The following TEKT1 variants were observed in gnomAD, a reference collection of about 807,000 sequenced individuals.
The protein encoded by TEKT1 is tektin-1.
Under a neutral mutation model 34.8 loss-of-function variants are expected in TEKT1, and 32 were observed. The ratio of observed to expected loss-of-function variants is 0.92; its 90% CI spans 0.69 to 1.23. TEKT1 has a LOEUF of 1.23. Among genes scored for constraint, TEKT1 ranks in the 50% most tolerant of loss-of-function variants. TEKT1 has a pLI of 0.00. For missense variants in TEKT1, 492 were observed against 518.5 expected (o/e 0.95, Z 0.50); for synonymous variants, 207 against 199.8 (o/e 1.04, Z -0.30).
chr17:6,827,343 C>G (rs1254369002), intron 2 of TEKT1, among the ~76,000 whole-genome samples: 2 of 149,978 alleles, frequency 1.3e-5, no homozygotes, highest in Non-Finnish European at 3.0e-5. Context: ...CTCACTGCAA[C>G]CTCCGCCTCC....
At chr17:6,827,814 G>A (rs1182695175) in intron 2 of TEKT1, among the ~76,000 whole-genome samples, 3 of 152,056 alleles carry the variant, frequency 2.0e-5, no homozygotes, top group Non-Finnish European at 2.9e-5. Context: ...TCTTTTGCTA[G>A]ATTTATTCCT....
intron 2 of TEKT1, 128 bp downstream of exon 2, chr17:6,830,059 T>A: frequency 2.1e-6 from 2 of 956,760 alleles, no homozygotes; most frequent in Non-Finnish European, 3.0e-6. Flanking sequence ...ACATAGAACC[T>A]GGAGAATACA....
At chr17:6,820,629 C>T (rs1471969494) in intron 2 of TEKT1, among the ~76,000 whole-genome samples, 3 of 152,092 alleles carry the variant, frequency 2.0e-5, no homozygotes, top group Non-Finnish European at 4.4e-5. Flanking sequence ...ATCAAGTAAG[C>T]TATCAATTTT....
chr17:6,806,828 G>A (rs1976851203), intron 6 of TEKT1, among the ~76,000 whole-genome samples: 2 of 152,188 alleles, frequency 1.3e-5, no homozygotes, highest in African/African-American at 4.8e-5. Flanking sequence ...AGTTTCTGCT[G>A]AGAGATCAGC....
intron 6 of TEKT1, among the ~76,000 whole-genome samples, chr17:6,804,653 G>C (rs1280454494): frequency 2.0e-5 from 3 of 152,166 alleles, no homozygotes; most frequent in Non-Finnish European, 4.4e-5. Flanking sequence ...CTAATTTATT[G>C]AGAGTTTTTA....
intron 2 of TEKT1, among the ~76,000 whole-genome samples, chr17:6,824,715 C>T (rs1904348814): frequency 6.6e-6 from 1 of 152,170 alleles, no homozygotes; most frequent in Non-Finnish European, 1.5e-5. Context: ...TCCTAAGCAT[C>T]TAGCACAGGG....
At chr17:6,829,978 A>G (rs1904524460) in intron 2 of TEKT1, among the ~76,000 whole-genome samples, 1 of 152,224 alleles carries the variant, frequency 6.6e-6, no homozygotes, top group African/African-American at 2.4e-5. Context: ...CAAATCAACA[A>G]ATAAATGAAT....
chr17:6,826,417 A>G (rs1904396432), intron 2 of TEKT1, among the ~76,000 whole-genome samples: 1 of 152,048 alleles, frequency 6.6e-6, no homozygotes, highest in South Asian at 2.1e-4. Context: ...CCTTTTGATG[A>G]GGTATTTTTG....
intron 2 of TEKT1, among the ~76,000 whole-genome samples, chr17:6,826,024 T>C (rs896965171): frequency 2.6e-5 from 4 of 152,248 alleles, no homozygotes; most frequent in African/African-American, 9.6e-5. Flanking sequence ...CTGCCAAAGC[T>C]TTCCAAAGTG....
intron 2 of TEKT1, among the ~76,000 whole-genome samples, chr17:6,827,818 T>G (rs1904452846): frequency 6.6e-6 from 1 of 152,166 alleles, no homozygotes; most frequent in Non-Finnish European, 1.5e-5. Flanking sequence ...TTGCTAGATT[T>G]ATTCCTACAT....
chr17:6,815,616 GA>G (rs757819054), intron 4 of TEKT1, among the ~76,000 whole-genome samples: 6 of 152,170 alleles, frequency 3.9e-5, no homozygotes, highest in Non-Finnish European at 8.8e-5. Context: ...TAACCAGGGT[GA>G]AATCCAGCTC....
intron 1 of TEKT1, 130 bp from the exon 2 acceptor site, chr17:6,830,523 T>C: frequency 1.5e-6 from 1 of 679,108 alleles, no homozygotes; most frequent in East Asian, 3.3e-5. Flanking sequence ...TAAATCTATC[T>C]GTGTAGCCGG....
chr17:6,813,578 A>ACG (rs1389190176), intron 5 of TEKT1, among the ~76,000 whole-genome samples: 9 of 151,478 alleles, frequency 5.9e-5, no homozygotes, highest in Non-Finnish European at 1.0e-4. Flanking sequence ...ACACACACAC[A>ACG]CACACACACA....
chr17:6,829,224 A>G (rs1904494265), intron 2 of TEKT1, among the ~76,000 whole-genome samples: 1 of 152,186 alleles, frequency 6.6e-6, no homozygotes, highest in Non-Finnish European at 1.5e-5. Flanking sequence ...ACTCAAGTAA[A>G]TGTTCTTCTC....
rs1404454602 is a variant in TEKT1, at chr17:6,830,266, C to A, written c.111G>T (p.Leu37=). 6.2e-7 allele frequency: 1 copy of A among 1,613,340 alleles called. No individual in the cohort carries two copies. Among genetic ancestry groups the A allele is most frequent in the Non-Finnish European group, 8.5e-7 (1 of 1,179,956 alleles). The change falls in exon 2 of 8, where the codon CTG becomes CTT. Residue 37 remains leucine (L), a synonymous_variant. Coordinates refer to ENST00000338694, the MANE Select transcript of TEKT1 (RefSeq NM_053285.2). ...CCACAAGCCTCTGGCTTTCTGCGACCAGGCGTTCTGATCGGGACCTTTGAG... is the reference window on the plus strand; with the variant it reads ...CCACAAGCCTCTGGCTTTCTGCGACAAGGCGTTCTGATCGGGACCTTTGAG... ...ADAQRSRSER[L]VAESQRLVDE...
At chr17:6,829,007 C>T (rs539687357) in intron 2 of TEKT1, among the ~76,000 whole-genome samples, 12 of 151,922 alleles carry the variant, frequency 7.9e-5, no homozygotes, top group South Asian at 4.2e-4. Flanking sequence ...AAAAATTAGC[C>T]GGGTGTGATG....
intron 5 of TEKT1, among the ~76,000 whole-genome samples, chr17:6,813,551 G>GACACACACAC (rs34316443): frequency 0.012 from 1,688 of 135,152 alleles, 30 homozygotes; most frequent in African/African-American, 0.038. Flanking sequence ...GAAGAAACCA[G>GACACACACAC]ACACACACAC....
At chr17:6,820,068 A>G (rs1360427516) in intron 2 of TEKT1, among the ~76,000 whole-genome samples, 3 of 152,306 alleles carry the variant, frequency 2.0e-5, no homozygotes, top group Non-Finnish European at 2.9e-5. Flanking sequence ...CCTGTGATGA[A>G]AGATAATGAT....
intron 6 of TEKT1, among the ~76,000 whole-genome samples, chr17:6,808,813 G>C (rs1976886409): frequency 6.6e-6 from 1 of 151,756 alleles, no homozygotes; most frequent in Non-Finnish European, 1.5e-5. Flanking sequence ...TAAAAAACAG[G>C]CCAAATCTCT....
Sources: allele counts gnomAD v4.1 joint callset (sites outside exome capture counted in the v4.1 genomes callset), GRCh38; gene constraint gnomAD v4.1.1; transcripts MANE v1.5; gene names NCBI Gene and HGNC (gene_info 2026-07-23, HGNC 2026-07-21).